The following KCNC4 variants were observed in gnomAD, a reference collection of about 807,000 sequenced individuals.
KCNC4 encodes the protein potassium voltage-gated channel subfamily C member 4.
Under a neutral mutation model 42.8 loss-of-function variants are expected in KCNC4, and 23 were observed. The observed-to-expected ratio is 0.54, with a 90% CI of 0.39 to 0.76. The LOEUF (loss-of-function observed/expected upper bound fraction) is 0.76. Among genes scored for constraint, KCNC4 ranks in the 30% least tolerant of loss-of-function variants. KCNC4 has a pLI of 0.00. For synonymous variants in KCNC4, 422 were observed against 393.5 expected (o/e 1.07, Z -0.86); for missense variants, 751 against 898.2 (o/e 0.84, Z 2.10).
chr1:110,273,771 TATAG>T (rs1659673447), intron 1 of KCNC4, among the ~76,000 whole-genome samples: 2 of 152,104 alleles, frequency 1.3e-5, no homozygotes. Flanking sequence ...CCCTGGAACT[TATAG>T]ATAAAGCCAC....
At position 110,210,888 on chromosome 1, in the gene KCNC4, TG is replaced by T. The variant is rs1261603784; in HGVS notation, c.-606del. On this transcript the variant is annotated 5_prime_UTR_variant, in exon 1 of 4. The change abolishes the stop of an existing upstream ORF in the 5' untranslated region. Coordinates refer to ENST00000438661, the MANE Select transcript of KCNC4 (RefSeq NM_001039574.3). ...CCTCGCCCGGCGCTGGATTTATGAA[TG>T]GGGGGAAGAGGCCACATGCCGCCGC... Among the ~76,000 whole-genome samples the T allele has an allele frequency of 6.6e-6, 1 of 151,970 alleles. No individual in the cohort carries two copies. The highest frequency in any genetic ancestry group is 1.5e-5 in the Non-Finnish European group (1 of 67,964).
At chr1:110,273,983 TAGAC>T (rs1369594690) in intron 1 of KCNC4, among the ~76,000 whole-genome samples, 2 of 152,144 alleles carry the variant, frequency 1.3e-5, no homozygotes, top group African/African-American at 2.4e-5. Flanking sequence ...GTGGAAGTCA[TAGAC>T]AGAGCAATCA....
rs372345369 is a variant in KCNC4 at position 110,223,590 on chromosome 1, G to A, written c.1305G>A (p.Thr435=). ...IGFWWAVVTM[T]TLGYGDMYPK... ...TCTGGTGGGCTGTGGTCACCATGAC[G>A]ACACTGGGCTACGGAGACATGTACC... Residue 435 remains threonine, a synonymous_variant, in exon 2 of 4, where the codon ACG becomes ACA. Transcript: ENST00000438661. The surrounding 1 kb of genome is among the most constrained non-coding windows in gnomAD (Gnocchi z 7.5). 297 of 1,613,924 alleles carry A rather than the reference G, an allele frequency of 1.8e-4. No homozygotes were observed. The highest frequency in any genetic ancestry group is 2.4e-4 in the Non-Finnish European group (281 of 1,180,052).
chr1:110,260,699 G>C (rs905618555), intron 1 of KCNC4, among the ~76,000 whole-genome samples: 12 of 152,228 alleles, frequency 7.9e-5, no homozygotes, highest in Non-Finnish European at 1.8e-4. Context: ...GGGAGGTCGA[G>C]GTGGGTGGAT....
intron 1 of KCNC4, among the ~76,000 whole-genome samples, chr1:110,215,852 T>G (rs913523298): frequency 2.6e-5 from 4 of 152,232 alleles, no homozygotes; most frequent in Non-Finnish European, 5.9e-5. Context: ...GATCCAAACC[T>G]AGGTCTCATC....
intron 3 of KCNC4, among the ~76,000 whole-genome samples, chr1:110,231,088 A>G (rs927500567): frequency 1.4e-4 from 22 of 152,336 alleles, no homozygotes; most frequent in Admixed American, 1.4e-3. Context: ...TCTGGGTAGG[A>G]GTTCACAACC....
intron 1 of KCNC4, among the ~76,000 whole-genome samples, chr1:110,267,069 C>T (rs1165664238): frequency 6.6e-6 from 1 of 152,206 alleles, no homozygotes; most frequent in Non-Finnish European, 1.5e-5. Flanking sequence ...TGGGCAGAAC[C>T]CTTGGGGAGA....
At chr1:110,243,955 G>A (rs1557868743) in exon 4 of KCNC4, 2 of 152,294 alleles carry the variant, frequency 1.3e-5, no homozygotes, top group African/African-American at 4.8e-5. Context: ...CAGATTAGTC[G>A]GGGTTCTTTT....
exon 4 of KCNC4, chr1:110,239,180 G>T: frequency 6.6e-6 from 1 of 152,630 alleles, no homozygotes; most frequent in Non-Finnish European, 1.5e-5. Context: ...GTGATGCCCT[G>T]CTGCTCCTCA....
At chr1:110,236,721 G>A (rs1156859099), downstream of KCNC4, 3 of 152,218 alleles carry the variant, frequency 2.0e-5, no homozygotes, top group South Asian at 6.2e-4. Context: ...GGGTAAGTGG[G>A]GGTAGGACTG....
In KCNC4 at chr1:110,226,101, A is replaced by G. The variant is rs548644103; in HGVS notation, c.1742A>G (p.Asp581Gly). 2.5e-6 allele frequency: 4 copies of G among 1,613,934 alleles called. No individual in the cohort carries two copies. Among genetic ancestry groups the G allele is most frequent in the Non-Finnish European group, 2.5e-6 (3 of 1,179,964 alleles). The change falls in exon 3 of 4, where the codon GAC becomes GGC. Residue 581 changes from aspartate (D) to glycine (G), a missense_variant. Transcript: ENST00000438661. Reference protein sequence around the residue: ...RRALRRSTTRDRNKKAAACFL... With the variant: ...RRALRRSTTRGRNKKAAACFL... ...GCCCTGCGACGCTCCACCACTCGAG[A>G]CAGAAACAAGAAGGCAGCTGCCTGC... is the stretch of plus-strand genomic sequence containing the variant.
At chr1:110,250,229 C>A (rs1352077348), downstream of KCNC4, among the ~76,000 whole-genome samples, 1 of 152,162 alleles carries the variant, frequency 6.6e-6, no homozygotes, top group African/African-American at 2.4e-5. Flanking sequence ...GCTCAACGCT[C>A]TTCTCCAGCC....
chr1:110,272,309 C>T (rs1429071261), intron 1 of KCNC4, among the ~76,000 whole-genome samples: 1 of 152,196 alleles, frequency 6.6e-6, no homozygotes, highest in Non-Finnish European at 1.5e-5. Context: ...TCAAAGGTTA[C>T]TGAGGGTTGG....
chr1:110,247,555 C>CTTTTTCTTTTT (rs1553215983), exon 4 of KCNC4: 2 of 52,372 alleles, frequency 3.8e-5, no homozygotes, highest in African/African-American at 7.3e-5. Flanking sequence ...TTTCTTTTTT[C>CTTTTTCTTTTT]TTTTTTTTTT....
rs537226056 is a variant in KCNC4 at position 110,229,937 on chromosome 1, G to A, written c.1820-2974G>A. ...TTTTGCGGAGAGAATGACTAAGTAAGGTCCAGATCTGCTCCTTCCATGGTC... is the reference window on the plus strand; with the variant it reads ...TTTTGCGGAGAGAATGACTAAGTAAAGTCCAGATCTGCTCCTTCCATGGTC... On this transcript the variant is annotated intron_variant, in intron 3 of 3. Transcript: ENST00000438661. Among the ~76,000 whole-genome samples the A allele has an allele frequency of 1.4e-4, 21 of 152,342 alleles. No individual in the cohort carries two copies. The East Asian group carries it at 3.7e-3, about 27-fold the overall frequency.
chr1:110,257,446 T>A (rs1274797152), intron 1 of KCNC4, among the ~76,000 whole-genome samples: 4 of 149,900 alleles, frequency 2.7e-5, no homozygotes, highest in Non-Finnish European at 5.9e-5. Context: ...CCGGGTGCGG[T>A]GGCTCACGCC....
At chr1:110,224,032 T>C (rs1208544145) in intron 2 of KCNC4, 132 bp downstream of exon 2, 1 of 760,024 alleles carries the variant, frequency 1.3e-6, no homozygotes, top group Non-Finnish European at 2.1e-6. Flanking sequence ...TGTGCCTTTA[T>C]GAGGGCAAAG....
intron 1 of KCNC4, among the ~76,000 whole-genome samples, chr1:110,268,734 T>TA (rs1251679052): frequency 6.7e-5 from 10 of 148,694 alleles, no homozygotes; most frequent in East Asian, 3.9e-4. Flanking sequence ...GATTTTATTT[T>TA]TTTTTTTTTT....
chr1:110,257,720 C>CAAAAAAAAAAAAAAAAAAAA (rs56333861), intron 1 of KCNC4, among the ~76,000 whole-genome samples: 1 of 91,008 alleles, frequency 1.1e-5, no homozygotes, highest in African/African-American at 5.0e-5. Flanking sequence ...GACTCCGTCT[C>CAAAAAAAAAAAAAAAAAAAA]AAAAAAAAAA....
Sources: allele counts gnomAD v4.1 joint callset (sites outside exome capture counted in the v4.1 genomes callset), GRCh38; gene constraint gnomAD v4.1.1; non-coding constraint Gnocchi (gnomAD v3.1); transcripts MANE v1.5; gene names NCBI Gene and HGNC (gene_info 2026-07-23, HGNC 2026-07-21).